GRM7: variants seen among roughly 807,000 people sequenced by gnomAD.
GRM7 encodes metabotropic glutamate receptor 7.
GRM7 carries 35 observed loss-of-function variants against 84.5 expected under a neutral mutation model. That is an observed-to-expected ratio of 0.41 (90% confidence interval 0.32 to 0.55). The LOEUF (loss-of-function observed/expected upper bound fraction) is 0.55. GRM7 is among the 20% of genes least tolerant of loss of function. GRM7 has a pLI of 0.19. For synonymous variants in GRM7, 487 were observed against 455.1 expected, an observed-to-expected ratio of 1.07 and a Z score of -0.89; for missense variants, 1,003 against 1,194.6, an observed-to-expected ratio of 0.84 and a Z score of 2.36.
intron 2 of GRM7, among the ~76,000 whole-genome samples, chr3:7,291,521 TC>T: frequency 7.3e-6 from 1 of 137,418 alleles, no homozygotes; most frequent in Non-Finnish European, 1.6e-5. Flanking sequence ...TCTCTCTCTC[TC>T]TCTCTCTCTC....
intron 2 of GRM7, among the ~76,000 whole-genome samples, chr3:7,170,902 C>T (rs1694962312): frequency 6.6e-6 from 1 of 152,162 alleles, no homozygotes; most frequent in African/African-American, 2.4e-5. Flanking sequence ...GGTCCTTCAA[C>T]TCCAGATGTA....
intron 1 of GRM7, among the ~76,000 whole-genome samples, chr3:6,937,321 C>G (rs1697727943): frequency 1.3e-5 from 2 of 152,136 alleles, no homozygotes; most frequent in South Asian, 4.1e-4. Flanking sequence ...CTTGGTTATT[C>G]TTAGAAGCAA....
chr3:7,647,178 C>G (rs1479473703), intron 8 of GRM7, among the ~76,000 whole-genome samples: 4 of 152,174 alleles, frequency 2.6e-5, no homozygotes, highest in African/African-American at 9.7e-5. Context: ...AAAAATTAGC[C>G]TGGAAAACCT....
intron 1 of GRM7, among the ~76,000 whole-genome samples, chr3:6,896,625 G>A (rs1480398086): frequency 6.6e-6 from 1 of 152,152 alleles, no homozygotes; most frequent in Non-Finnish European, 1.5e-5. Flanking sequence ...GTGGTAGTGA[G>A]GTTTGCTTTC....
At chr3:6,889,564 G>A (rs779110389) in intron 1 of GRM7, among the ~76,000 whole-genome samples, 60 of 152,112 alleles carry the variant, frequency 3.9e-4, no homozygotes, top group Non-Finnish European at 8.4e-4. Context: ...AACCAGCCTT[G>A]CATCCCAGGG....
chr3:7,603,423 G>C (rs991314267), intron 8 of GRM7, among the ~76,000 whole-genome samples: 2 of 151,998 alleles, frequency 1.3e-5, no homozygotes, highest in African/African-American at 4.8e-5. Flanking sequence ...ACTGTTTTAT[G>C]ACAAGTCACA....
chr3:7,105,777 ATAAATT>A (rs887264070), intron 1 of GRM7, among the ~76,000 whole-genome samples: 9 of 151,866 alleles, frequency 5.9e-5, no homozygotes, highest in South Asian at 2.1e-4. Context: ...AGTGGAAAAG[ATAAATT>A]TAAATTATTT....
chr3:6,998,387 C>A (rs569093284), intron 1 of GRM7, among the ~76,000 whole-genome samples: 4 of 152,236 alleles, frequency 2.6e-5, no homozygotes, highest in Non-Finnish European at 4.4e-5. Context: ...ACAGTCCCCC[C>A]CAAAGTTGCT....
rs147686021 is a variant in GRM7, at chr3:7,352,721, G to A, written c.1033+46069G>A. Among the ~76,000 whole-genome samples, 386 of 152,142 alleles carry A rather than the reference G, an allele frequency of 2.5e-3. 2 individuals are homozygous for A. Among genetic ancestry groups the A allele is most frequent in the African/African-American group, 8.5e-3 (352 of 41,530 alleles). ...TTGAGCTCTTAAATTCTGATGAGTC[G>A]TTTTTGCCTGGGGAAGTGACTTCCC... is the stretch of plus-strand genomic sequence containing the variant. On this transcript the variant is annotated intron_variant, in intron 4 of 9. Transcript: ENST00000357716.
At chr3:7,197,138 T>C (rs114372937) in intron 2 of GRM7, among the ~76,000 whole-genome samples, 197 of 152,270 alleles carry the variant, frequency 1.3e-3, no homozygotes, top group African/African-American at 4.3e-3. Flanking sequence ...TTTGTATTAA[T>C]AACAAATGCT....
At chr3:7,297,306 A>G (rs945054952) in intron 2 of GRM7, among the ~76,000 whole-genome samples, 6 of 152,134 alleles carry the variant, frequency 3.9e-5, no homozygotes, top group Admixed American at 2.0e-4. Flanking sequence ...AGATATTTTT[A>G]TCTTTCTGTC....
chr3:7,705,435 C>G (rs1222852433), intron 9 of GRM7, among the ~76,000 whole-genome samples: 1 of 152,120 alleles, frequency 6.6e-6, no homozygotes, highest in African/African-American at 2.4e-5. Flanking sequence ...TATGGATCCA[C>G]CCAAATCCAA....
intron 1 of GRM7, among the ~76,000 whole-genome samples, chr3:7,077,410 C>T (rs192916149): frequency 6.6e-6 from 1 of 152,086 alleles, no homozygotes; most frequent in Non-Finnish European, 1.5e-5. Flanking sequence ...AGGATGAGTT[C>T]ATGTGCTTTG....
chr3:7,256,978 C>A (rs1346623149), intron 2 of GRM7, among the ~76,000 whole-genome samples: 1 of 152,166 alleles, frequency 6.6e-6, no homozygotes, highest in East Asian at 1.9e-4. Flanking sequence ...ATGAGAATTT[C>A]ATTTCAGACA....
At chr3:7,027,335 G>C (rs796119230) in intron 1 of GRM7, among the ~76,000 whole-genome samples, 41 of 152,310 alleles carry the variant, frequency 2.7e-4, no homozygotes, top group African/African-American at 9.9e-4. Flanking sequence ...ACCTTTGAAA[G>C]ATGACAACAG....
At chr3:7,455,328 A>T (rs1697960590) in intron 6 of GRM7, among the ~76,000 whole-genome samples, 1 of 152,182 alleles carries the variant, frequency 6.6e-6, no homozygotes, top group South Asian at 2.1e-4. Flanking sequence ...GGGTTACAGT[A>T]TGATGAGAAA....
chr3:7,070,104 GA>G (rs1697810820), intron 1 of GRM7, among the ~76,000 whole-genome samples: 2 of 152,038 alleles, frequency 1.3e-5, no homozygotes, highest in Non-Finnish European at 1.5e-5. Flanking sequence ...CCCAAATCTG[GA>G]AAAGGATAGC....
At chr3:7,431,134 C>T (rs73015520) in intron 5 of GRM7, among the ~76,000 whole-genome samples, 4,640 of 152,110 alleles carry the variant, frequency 0.031, 105 homozygotes, top group Non-Finnish European at 0.033. Context: ...ACTTGACACA[C>T]GTACCCCAAA....
intron 4 of GRM7, among the ~76,000 whole-genome samples, chr3:7,326,170 CA>C (rs5846504): frequency 0.052 from 6,840 of 132,082 alleles, 558 homozygotes; most frequent in African/African-American, 0.18. Flanking sequence ...CAACAGTAGG[CA>C]AAAAAAAAAG....
Sources: allele counts gnomAD v4.1 joint callset (sites outside exome capture counted in the v4.1 genomes callset), GRCh38; gene constraint gnomAD v4.1.1; transcripts MANE v1.5; gene names NCBI Gene and HGNC (gene_info 2026-07-23, HGNC 2026-07-21).